Variants in LYPD1 observed in about 807,000 individuals in gnomAD.
LYPD1 encodes the protein ly6/PLAUR domain-containing protein 1.
A neutral mutation model predicts 14.2 loss-of-function variants in LYPD1; 14 were observed. The ratio of observed to expected loss-of-function variants is 0.99; its 90% CI spans 0.65 to 1.54. LYPD1 has a LOEUF of 1.54. LYPD1 is among the 40% of genes most tolerant of loss of function. The probability of loss-of-function intolerance (pLI) is 0.00; values close to 1 mark genes in which losing one functional copy is unlikely to be tolerated. For synonymous variants in LYPD1, 85 were observed against 70.6 expected (o/e 1.20, Z -1.02); for missense variants, 165 against 175.7 (o/e 0.94, Z 0.34).
chr2:132,645,752 C>A lies in LYPD1; in HGVS notation c.*293G>T. 8.8e-7 allele frequency: 1 copy of A among 1,137,724 alleles called. No individual in the cohort carries two copies. Among genetic ancestry groups the A allele is most frequent in the Non-Finnish European group, 1.2e-6 (1 of 821,534 alleles). The allele number at this position is 1,137,724 out of a possible 1,614,324, so 70.5% of individuals were successfully genotyped here. On this transcript the variant is annotated 3_prime_UTR_variant, in exon 3 of 3. Coordinates refer to ENST00000397463, the MANE Select transcript of LYPD1 (RefSeq NM_144586.7). ...AAAAGGCAGATGCCCACCTCAGTGACTTCTAAGGACTGACTCTGCCAGCCT... is the reference window on the plus strand; with the variant it reads ...AAAAGGCAGATGCCCACCTCAGTGAATTCTAAGGACTGACTCTGCCAGCCT...
In LYPD1 at chr2:132,646,283, G is replaced by C. The variant is rs751565839; in HGVS notation, c.191-3C>G. On this transcript the variant is annotated splice_region_variant and splice_polypyrimidine_tract_variant and intron_variant, in intron 2 of 2. Coordinates refer to ENST00000397463, the MANE Select transcript of LYPD1 (RefSeq NM_144586.7). The stretch of plus-strand genomic sequence containing the variant: ...ACAGGACTTGCGGTACATGATCCCT[G>C]TAACACAGACCCAAAGGAGCTGAGT... 6.7e-7 allele frequency: 1 copy of C among 1,487,278 alleles called. No homozygotes were observed. The highest frequency in any genetic ancestry group is 2.4e-5 in the East Asian group (1 of 40,894). 92.1% of individuals were successfully genotyped at this position (1,487,278 alleles called of 1,614,324 possible). A position where few individuals can be genotyped will look rare whatever the true frequency, so the allele number is the denominator to read the frequency against.
intron 2 of LYPD1, among the ~76,000 whole-genome samples, chr2:132,653,768 G>C (rs1458564884): frequency 2.6e-5 from 4 of 152,210 alleles, no homozygotes; most frequent in African/African-American, 9.7e-5. Flanking sequence ...GACATTGACA[G>C]CATGCGCCCC....
intron 2 of LYPD1, among the ~76,000 whole-genome samples, chr2:132,657,756 G>T (rs947321733): frequency 3.9e-5 from 6 of 152,172 alleles, no homozygotes; most frequent in African/African-American, 1.4e-4. Flanking sequence ...TCTTCCAAAG[G>T]GTGACAGTGA....
chr2:132,666,255 A>G (rs1208807289), intron 2 of LYPD1, among the ~76,000 whole-genome samples: 1 of 152,192 alleles, frequency 6.6e-6, no homozygotes, highest in Non-Finnish European at 1.5e-5. Context: ...TTGGTCCCTA[A>G]TAAGTACATG....
intron 2 of LYPD1, among the ~76,000 whole-genome samples, chr2:132,651,791 G>A (rs1034886612): frequency 6.6e-6 from 1 of 152,238 alleles, no homozygotes; most frequent in African/African-American, 2.4e-5. Context: ...GCAGGGGGAT[G>A]TGTGTGCACA....
Position 132,645,564 on chromosome 2 carries a change from C to T in LYPD1, c.*481G>A. The T allele has an allele frequency of 6.2e-7, 1 of 1,614,108 alleles. No individual in the cohort carries two copies. The highest frequency in any genetic ancestry group is 8.5e-7 in the Non-Finnish European group (1 of 1,180,000). ...AGCCCAACTCAGGCGCGAAACCAGC[C>T]AATTCTGCTGCAGAGAATGGTTTTC... is the stretch of plus-strand genomic sequence containing the variant. On this transcript the variant is annotated 3_prime_UTR_variant, in exon 3 of 3. Coordinates refer to ENST00000397463, the MANE Select transcript of LYPD1 (RefSeq NM_144586.7).
intron 2 of LYPD1, among the ~76,000 whole-genome samples, chr2:132,663,825 C>T (rs145554727): frequency 1.8e-3 from 272 of 152,186 alleles, no homozygotes; most frequent in Non-Finnish European, 2.8e-3. Flanking sequence ...GAGACCCCTG[C>T]TACTTCTAAC....
chr2:132,668,788 C>A (rs1413355839), intron 1 of LYPD1, among the ~76,000 whole-genome samples: 1 of 152,170 alleles, frequency 6.6e-6, no homozygotes, highest in Non-Finnish European at 1.5e-5. Context: ...AGCGCCCATC[C>A]ATTACCACCC....
intron 2 of LYPD1, among the ~76,000 whole-genome samples, chr2:132,651,125 C>A (rs1682346137): frequency 6.6e-6 from 1 of 152,172 alleles, no homozygotes; most frequent in Non-Finnish European, 1.5e-5. Context: ...TTCTAGGCGG[C>A]CACAGGATAG....
Position 132,645,457 on chromosome 2 carries a change from A to G in LYPD1, c.*588T>C, listed in dbSNP as rs746118690. 9.9e-6 allele frequency: 16 copies of G among 1,613,774 alleles called. No homozygotes were observed. The East Asian group carries it at 3.6e-4, about 36-fold the overall frequency. The stretch of plus-strand genomic sequence containing the variant: ...CCGGCGCCAGTCCTCTGCAAGGAGA[A>G]CTGAGAAGATTTTCTTAAGCACTTT... On this transcript the variant is annotated 3_prime_UTR_variant, in exon 3 of 3. Transcript: ENST00000397463.
At chr2:132,666,941 C>T (rs1389595658) in intron 2 of LYPD1, 1 of 152,152 alleles carries the variant, frequency 6.6e-6, no homozygotes, top group Non-Finnish European at 1.5e-5. Context: ...AAACTACTGT[C>T]TCAAGAAAGC....
At chr2:132,660,934 A>G (rs1365944384) in intron 2 of LYPD1, among the ~76,000 whole-genome samples, 4 of 152,104 alleles carry the variant, frequency 2.6e-5, no homozygotes, top group Non-Finnish European at 5.9e-5. Flanking sequence ...TTTCTCCACA[A>G]CCTCTCTCAA....
Position 132,648,955 on chromosome 2 carries a change from C to T in LYPD1, c.191-2675G>A, listed in dbSNP as rs549023945. Among the ~76,000 whole-genome samples, 8 of 152,268 alleles carry T rather than the reference C, an allele frequency of 5.3e-5. No individual in the cohort carries two copies. The East Asian group carries it at 1.5e-3, about 29-fold the overall frequency. ...AGGGTAGCTGTGGGCTTCTATGAGC[C>T]TCCCTTGGTTAAAATCTAAGTCTGG... On this transcript the variant is annotated intron_variant, in intron 2 of 2. Coordinates refer to ENST00000397463, the MANE Select transcript of LYPD1 (RefSeq NM_144586.7).
intron 2 of LYPD1, among the ~76,000 whole-genome samples, chr2:132,651,210 C>A (rs926589659): frequency 6.6e-6 from 1 of 152,120 alleles, no homozygotes; most frequent in African/African-American, 2.4e-5. Context: ...TTTAAAATGA[C>A]GTAAATAAAC....
At chr2:132,649,077 G>A (rs1350026933) in intron 2 of LYPD1, among the ~76,000 whole-genome samples, 1 of 152,222 alleles carries the variant, frequency 6.6e-6, no homozygotes, top group Non-Finnish European at 1.5e-5. Flanking sequence ...CAAGGTAAGT[G>A]ACAGGCAACT....
intron 2 of LYPD1, among the ~76,000 whole-genome samples, chr2:132,657,156 T>C (rs1034651889): frequency 6.6e-6 from 1 of 152,222 alleles, no homozygotes; most frequent in African/African-American, 2.4e-5. Flanking sequence ...TCAACTTAAT[T>C]ATAGCAAGCA....
intron 2 of LYPD1, among the ~76,000 whole-genome samples, chr2:132,668,171 T>G (rs1392649407): frequency 6.6e-6 from 1 of 151,968 alleles, no homozygotes; most frequent in Non-Finnish European, 1.5e-5. Flanking sequence ...CTAATTTACA[T>G]GCACTTCCCC....
At chr2:132,657,099 C>T (rs1682638930) in intron 2 of LYPD1, among the ~76,000 whole-genome samples, 1 of 152,162 alleles carries the variant, frequency 6.6e-6, no homozygotes, top group Admixed American at 6.5e-5. Flanking sequence ...TTACCCTTTT[C>T]AAAGATTTTT....
chr2:132,645,395 G>C lies in LYPD1; in HGVS notation c.*650C>G. 1 of 1,613,716 alleles carries C rather than the reference G, an allele frequency of 6.2e-7. No individual in the cohort carries two copies. Among genetic ancestry groups the C allele is most frequent in the African/African-American group, 1.3e-5 (1 of 75,070 alleles). On this transcript the variant is annotated 3_prime_UTR_variant, in exon 3 of 3. Coordinates refer to ENST00000397463, the MANE Select transcript of LYPD1 (RefSeq NM_144586.7). ...GTACATGCGCACTCCACCACCGACAGCGCCCGCTTTGTGCAGCGCCCGTTG... is the reference window on the plus strand; with the variant it reads ...GTACATGCGCACTCCACCACCGACACCGCCCGCTTTGTGCAGCGCCCGTTG...
Sources: gnomAD v4.1 joint callset for allele counts (sites outside exome capture counted in the v4.1 genomes callset) on GRCh38, gnomAD v4.1.1 for gene constraint, MANE v1.5 for transcripts, NCBI Gene and HGNC (gene_info 2026-07-23, HGNC 2026-07-21) for gene names.